ERBB4: variants seen among roughly 807,000 people sequenced by gnomAD.
ERBB4 encodes the protein erb-b2 receptor tyrosine kinase 4.
Under a neutral mutation model 158.0 loss-of-function variants are expected in ERBB4, and 42 were observed. The observed-to-expected ratio is 0.27, with a 90% CI of 0.21 to 0.34. The LOEUF (loss-of-function observed/expected upper bound fraction) is 0.34. Among genes scored for constraint, ERBB4 ranks in the 10% least tolerant of loss-of-function variants. The probability of loss-of-function intolerance (pLI) is 1.00; values close to 1 mark genes in which losing one functional copy is unlikely to be tolerated. For synonymous variants in ERBB4, 583 were observed against 558.7 expected (o/e 1.04, Z -0.61); for missense variants, 1,333 against 1,624.1 (o/e 0.82, Z 3.08).
intron 1 of ERBB4, among the ~76,000 whole-genome samples, chr2:212,510,264 A>G (rs1237149245): frequency 6.8e-6 from 1 of 148,076 alleles, no homozygotes; most frequent in South Asian, 2.1e-4. Context: ...TCATACAACA[A>G]CTTGAGTGAT....
chr2:211,395,302 T>G (rs2062887808), intron 25 of ERBB4, among the ~76,000 whole-genome samples: 1 of 152,094 alleles, frequency 6.6e-6, no homozygotes, highest in Non-Finnish European at 1.5e-5. Flanking sequence ...TGATTTAAAA[T>G]GTTTATTTTA....
chr2:211,448,485 C>G (rs887621244), intron 20 of ERBB4, among the ~76,000 whole-genome samples: 11 of 151,818 alleles, frequency 7.2e-5, no homozygotes, highest in African/African-American at 2.7e-4. Context: ...CACACACACA[C>G]ACACACAATT....
At chr2:211,835,048 T>A (rs2077310176) in intron 3 of ERBB4, among the ~76,000 whole-genome samples, 1 of 152,162 alleles carries the variant, frequency 6.6e-6, no homozygotes, top group Non-Finnish European at 1.5e-5. Flanking sequence ...TACAATCTCC[T>A]CATAGGGAAT....
chr2:211,466,609 A>G (rs2064696952), intron 20 of ERBB4, among the ~76,000 whole-genome samples: 1 of 152,118 alleles, frequency 6.6e-6, no homozygotes, highest in Admixed American at 6.6e-5. Flanking sequence ...GGCAGAAATA[A>G]ACACCACACA....
intron 19 of ERBB4, among the ~76,000 whole-genome samples, chr2:211,613,002 G>A (rs1340541745): frequency 6.6e-6 from 1 of 152,000 alleles, no homozygotes; most frequent in Non-Finnish European, 1.5e-5. Context: ...AGGCAGAAGA[G>A]ATTGAGAAGA....
chr2:212,190,083 T>C (rs962842226), intron 1 of ERBB4, among the ~76,000 whole-genome samples: 6 of 152,236 alleles, frequency 3.9e-5, no homozygotes, highest in Admixed American at 2.6e-4. Context: ...TCTATGTTAC[T>C]TTTTAGTCAT....
intron 3 of ERBB4, among the ~76,000 whole-genome samples, chr2:211,889,195 G>C (rs1051032804): frequency 7.6e-5 from 11 of 144,270 alleles, no homozygotes; most frequent in African/African-American, 2.5e-4. Context: ...CACGCAGCTG[G>C]AGATCTGAGA....
At chr2:212,334,545 C>T (rs1369256791) in intron 1 of ERBB4, among the ~76,000 whole-genome samples, 1 of 151,938 alleles carries the variant, frequency 6.6e-6, no homozygotes, top group Non-Finnish European at 1.5e-5. Context: ...TATTTGGTAG[C>T]AGCTAATTGC....
At chr2:211,523,224 T>A (rs2066238007) in intron 20 of ERBB4, among the ~76,000 whole-genome samples, 1 of 137,992 alleles carries the variant, frequency 7.2e-6, no homozygotes, top group Non-Finnish European at 1.5e-5. Context: ...TATCTGGTTT[T>A]AACTTCACAT....
intron 16 of ERBB4, among the ~76,000 whole-genome samples, chr2:211,646,634 G>A (rs1342206518): frequency 1.3e-5 from 2 of 151,678 alleles, no homozygotes; most frequent in African/African-American, 4.8e-5. Flanking sequence ...AACTGCTGAT[G>A]TTTGTAGTAA....
intron 2 of ERBB4, among the ~76,000 whole-genome samples, chr2:211,964,516 C>T (rs1037462446): frequency 1.3e-5 from 2 of 152,146 alleles, no homozygotes; most frequent in South Asian, 2.1e-4. Flanking sequence ...GGTGACATTT[C>T]ATTTAACACT....
chr2:211,495,007 A>C (rs2065434226), intron 20 of ERBB4, among the ~76,000 whole-genome samples: 1 of 152,158 alleles, frequency 6.6e-6, no homozygotes, highest in Non-Finnish European at 1.5e-5. Flanking sequence ...AAACTGAATA[A>C]TCATATTGTC....
intron 27 of ERBB4, among the ~76,000 whole-genome samples, chr2:211,386,032 T>C (rs2062677211): frequency 1.3e-5 from 2 of 152,200 alleles, no homozygotes; most frequent in Admixed American, 1.3e-4. Flanking sequence ...GGAGAGAACA[T>C]AACCATATAC....
chr2:212,531,033 C>T (rs1209539290), intron 1 of ERBB4, among the ~76,000 whole-genome samples: 1 of 152,102 alleles, frequency 6.6e-6, no homozygotes, highest in Non-Finnish European at 1.5e-5. Context: ...GCTTCAGTAA[C>T]CCCTACAATA....
chr2:212,321,543 A>G (rs954491458), intron 1 of ERBB4, among the ~76,000 whole-genome samples: 1 of 150,412 alleles, frequency 6.6e-6, no homozygotes, highest in Non-Finnish European at 1.5e-5. Flanking sequence ...ACAACAAAAC[A>G]TTTTGATTAG....
intron 2 of ERBB4, among the ~76,000 whole-genome samples, chr2:211,954,340 A>AT (rs1361576806): frequency 2.0e-5 from 3 of 151,976 alleles, no homozygotes; most frequent in African/African-American, 7.2e-5. Flanking sequence ...TTATTCCTAG[A>AT]TTTTTTCCTA....
chr2:212,204,495 C>T (rs1433891144), intron 1 of ERBB4, among the ~76,000 whole-genome samples: 3 of 151,956 alleles, frequency 2.0e-5, no homozygotes, highest in Admixed American at 6.6e-5. Flanking sequence ...GCCAGGAGTT[C>T]GAAACAAGCC....
intron 1 of ERBB4, among the ~76,000 whole-genome samples, chr2:212,511,192 T>C (rs1014588060): frequency 6.6e-6 from 1 of 152,188 alleles, no homozygotes; most frequent in Non-Finnish European, 1.5e-5. Context: ...AACTTTTTTG[T>C]CTTGTCTTAC....
chr2:211,533,977 A>C (rs938840284), intron 20 of ERBB4, among the ~76,000 whole-genome samples: 8 of 152,126 alleles, frequency 5.3e-5, no homozygotes, highest in Admixed American at 2.0e-4. Context: ...AACCAGAATT[A>C]GATATCAATA....
Sources: gnomAD v4.1 joint callset for allele counts (sites outside exome capture counted in the v4.1 genomes callset) on GRCh38, gnomAD v4.1.1 for gene constraint, MANE v1.5 for transcripts, NCBI Gene and HGNC (gene_info 2026-07-23, HGNC 2026-07-21) for gene names.